VSX1: variants seen among roughly 807,000 people sequenced by gnomAD.
VSX1 encodes the protein visual system homeobox 1, also known as homeodomain protein RINX.
In VSX1, 23 loss-of-function variants were observed where a neutral mutation model predicts 23.6. The ratio of observed to expected loss-of-function variants is 0.97; its 90% CI spans 0.70 to 1.38. The LOEUF (loss-of-function observed/expected upper bound fraction) is 1.38. Among genes scored for constraint, VSX1 ranks in the 40% most tolerant of loss-of-function variants. The probability of loss-of-function intolerance (pLI) is 0.00; values close to 1 mark genes in which losing one functional copy is unlikely to be tolerated. For synonymous variants in VSX1, 247 were observed against 215.1 expected, an observed-to-expected ratio of 1.15 and a Z score of -1.30; for missense variants, 517 against 495.4, an observed-to-expected ratio of 1.04 and a Z score of -0.41.
At position 25,079,490 on chromosome 20, in the gene VSX1, C is replaced by T. The variant is rs2089593806; in HGVS notation, c.449G>A (p.Arg150Lys). Reference sequence around the variant, plus strand: ...GGTGGGGGATGCCTTTAGGTCATTCCTGTCTTCAGACTGGCTGTCCTCATC... The same window carrying T: ...GGTGGGGGATGCCTTTAGGTCATTCTTGTCTTCAGACTGGCTGTCCTCATC... Reference protein sequence around the residue: ...TSDEDSQSEDRNDLKASPTLG... With the variant: ...TSDEDSQSEDKNDLKASPTLG... The change falls in exon 2 of 5, where the codon AGG (arginine) becomes AAG (lysine). Residue 150 changes from arginine (R) to lysine (K), a missense_variant. Arg to Lys is a conservative substitution (Grantham distance 26). Coordinates refer to ENST00000376709, the MANE Select transcript of VSX1 (RefSeq NM_014588.6). 6.2e-7 allele frequency: 1 copy of T among 1,612,700 alleles called. No individual in the cohort carries two copies. Among genetic ancestry groups the T allele is most frequent in the Non-Finnish European group, 8.5e-7 (1 of 1,179,576 alleles).
At chr20:25,072,457 T>TC (rs1194495703), downstream of VSX1, 1 of 458,028 alleles carries the variant, frequency 2.2e-6, no homozygotes, top group African/African-American at 2.0e-5. Flanking sequence ...GGTCCATTTG[T>TC]CCCCCCAGGC....
In VSX1 at chr20:25,075,970, C is replaced by T. The variant is rs1001920528; in HGVS notation, c.*291G>A. ...CTCAAATGATGCCCAGCAGTGAAAT[C>T]ATTTTTGAACTTCGGATCCTCCCTG... On this transcript the variant is annotated 3_prime_UTR_variant, in exon 5 of 5. Transcript: ENST00000376709. 1 of 472,656 alleles carries T rather than the reference C, an allele frequency of 2.1e-6. No homozygotes were observed. The highest frequency in any genetic ancestry group is 3.9e-6 in the Non-Finnish European group (1 of 259,308). 29.3% of individuals were successfully genotyped at this position (472,656 alleles called of 1,614,324 possible).
At position 25,079,527 on chromosome 20, in the gene VSX1, AAAG is replaced by A. The variant is rs754283964; in HGVS notation, c.425-16_425-14del. 7.4e-5 allele frequency: 119 copies of A among 1,606,172 alleles called. 1 individual carries two copies. The South Asian group carries it at 1.3e-3, about 17-fold the overall frequency. On this transcript the variant is annotated splice_polypyrimidine_tract_variant and intron_variant, in intron 1 of 4. Coordinates refer to ENST00000376709, the MANE Select transcript of VSX1 (RefSeq NM_014588.6). ...TGGCTGTCCTCATCTGATGGCACAGAAAGAAGAAGAGGACTTTAAGGGTGATCA... is the reference window on the plus strand; with the variant it reads ...TGGCTGTCCTCATCTGATGGCACAGAAAGAAGAGGACTTTAAGGGTGATCA...
At chr20:25,072,108 G>A (rs956816994), downstream of VSX1, 8 of 592,686 alleles carry the variant, frequency 1.3e-5, no homozygotes, top group African/African-American at 1.5e-4. Flanking sequence ...GAGAGCGAGA[G>A]ACTGTGGCTT....
downstream of VSX1, chr20:25,071,795 G>A (rs2122830527): frequency 2.8e-6 from 2 of 705,484 alleles, no homozygotes; most frequent in Middle Eastern, 3.4e-4. Flanking sequence ...GGGGTGCCCT[G>A]CAGGGGGCAA....
chr20:25,081,365 T>A (rs7344824), intron 1 of VSX1: 166,609 of 654,992 alleles, frequency 0.25, 24,653 homozygotes, highest in African/African-American at 0.44. Context: ...GGGGGAAAAA[T>A]GGCCCTCTGG....
chr20:25,078,792 T>C, intron 3 of VSX1, 37 bp downstream of exon 3: 1 of 1,614,160 alleles, frequency 6.2e-7, no homozygotes, highest in Non-Finnish European at 8.5e-7. Flanking sequence ...ACGTTCTCTG[T>C]GGTATCTTTG....
chr20:25,072,620 C>T (rs1237649873), downstream of VSX1: 1 of 471,182 alleles, frequency 2.1e-6, no homozygotes, highest in Middle Eastern at 3.2e-4. Context: ...CACTTCATTT[C>T]TCTGCAGCCC....
chr20:25,079,001 G>A, intron 2 of VSX1, 49 bp from the exon 3 acceptor site: 1 of 1,609,738 alleles, frequency 6.2e-7, no homozygotes, highest in Non-Finnish European at 8.5e-7. Context: ...CCTGGGGACA[G>A]CAGCCTCCCT....
downstream of VSX1, chr20:25,072,532 T>C: frequency 2.1e-6 from 1 of 471,160 alleles, no homozygotes; most frequent in Non-Finnish European, 4.4e-6. Context: ...GACTCAGCCA[T>C]CACCTCGTTC....
downstream of VSX1, chr20:25,071,677 C>T (rs1229581217): frequency 3.2e-6 from 2 of 625,640 alleles, no homozygotes; most frequent in Non-Finnish European, 5.9e-6. Context: ...ACCTAGCTGT[C>T]ATGACTGCAG....
Position 25,077,665 on chromosome 20 carries a change from T to C in VSX1, c.808+20A>G. 6.5e-7 allele frequency: 1 copy of C among 1,543,710 alleles called. No homozygotes were observed. Among genetic ancestry groups the C allele is most frequent in the Non-Finnish European group, 8.7e-7 (1 of 1,146,702 alleles). ...TCCTACAACACCTCGAGCCGTGCGATCCCGGGGGCCCTTCCTTACCCAGGA... is the reference window on the plus strand; with the variant it reads ...TCCTACAACACCTCGAGCCGTGCGACCCCGGGGGCCCTTCCTTACCCAGGA... On this transcript the variant is annotated intron_variant, in intron 4 of 4. Coordinates refer to ENST00000376709, the MANE Select transcript of VSX1 (RefSeq NM_014588.6).
At chr20:25,081,155 G>A (rs1393772232) in intron 1 of VSX1, among the ~76,000 whole-genome samples, 2 of 152,218 alleles carry the variant, frequency 1.3e-5, no homozygotes, top group Admixed American at 6.5e-5. Flanking sequence ...CGCGGTACCC[G>A]GGACTCCCTT....
chr20:25,075,689 G>C lies in VSX1; in HGVS notation c.*572C>G, dbSNP rs993244630. On this transcript the variant is annotated 3_prime_UTR_variant, in exon 5 of 5. Transcript: ENST00000376709. ...AAATGCAGAAACGACTAGAGTATGG[G>C]TTTCTTTGAATTCCAATATGCATAG... 2.9e-4 allele frequency: 44 copies of C among 152,914 alleles called. No individual in the cohort carries two copies. Among genetic ancestry groups the C allele is most frequent in the African/African-American group, 1.0e-3 (42 of 41,402 alleles). The allele number at this position is 152,914 out of a possible 1,614,324, so 9.5% of individuals were successfully genotyped here. A position where few individuals can be genotyped will look rare whatever the true frequency, so the allele number is the denominator to read the frequency against.
rs770398747 is a variant in VSX1 at position 25,079,420 on chromosome 20, C to G, written c.503+16G>C. On this transcript the variant is annotated intron_variant, in intron 2 of 4. Coordinates refer to ENST00000376709, the MANE Select transcript of VSX1 (RefSeq NM_014588.6). ...CCCGAGGAAAGGCAGGCAGAGGGGA[C>G]TGCCTGGCCCTATACCTGTGCCGCC... The G allele has an allele frequency of 9.3e-6, 15 of 1,606,984 alleles. No homozygotes were observed. In the South Asian group the frequency reaches 1.7e-4, roughly 18 times the overall value.
At chr20:25,076,627 T>A in intron 4 of VSX1, 77 bp from the exon 5 acceptor site, 2 of 1,478,624 alleles carry the variant, frequency 1.4e-6, no homozygotes, top group East Asian at 4.9e-5. Flanking sequence ...TTCCTTCTTA[T>A]TGTTCTCTAA....
intron 4 of VSX1, among the ~76,000 whole-genome samples, chr20:25,076,837 C>T (rs972758502): frequency 6.6e-6 from 1 of 152,192 alleles, no homozygotes; most frequent in Non-Finnish European, 1.5e-5. Context: ...AAGTGCCCTC[C>T]CCCACCTGTT....
In VSX1 at chr20:25,076,446, C is replaced by T; in HGVS notation, c.913G>A (p.Glu305Lys). 1 of 1,614,196 alleles carries T rather than the reference C, an allele frequency of 6.2e-7. No individual in the cohort carries two copies. Among genetic ancestry groups the T allele is most frequent in the South Asian group, 1.1e-5 (1 of 91,084 alleles). ...DHFKEGSSQS[E>K]SGSQRGSDKV... is the part of the protein sequence containing the mutation. Reference sequence around the variant, plus strand: ...TCTGAGCCTCTCTGTGATCCTGACTCACTCTGGCTAGAACCTTCTTTGAAG... The same window carrying T: ...TCTGAGCCTCTCTGTGATCCTGACTTACTCTGGCTAGAACCTTCTTTGAAG... The change falls in exon 5 of 5, where the codon GAG becomes AAG. Residue 305 changes from glutamate (E) to lysine (K), a missense_variant. Physicochemically the swap from Glu to Lys is moderately conservative, Grantham distance 56 (BLOSUM62 1). Coordinates refer to ENST00000376709, the MANE Select transcript of VSX1 (RefSeq NM_014588.6).
At position 25,081,527 on chromosome 20, in the gene VSX1, C is replaced by T. The variant is rs2089641835; in HGVS notation, c.424+146G>A. 10 of 1,247,968 alleles carry T rather than the reference C, an allele frequency of 8.0e-6. No homozygotes were observed. The South Asian group carries it at 1.2e-4, about 15-fold the overall frequency. 77.3% of individuals were successfully genotyped at this position (1,247,968 alleles called of 1,614,324 possible). A position where few individuals can be genotyped will look rare whatever the true frequency, so the allele number is the denominator to read the frequency against. On this transcript the variant is annotated intron_variant, in intron 1 of 4. Coordinates refer to ENST00000376709, the MANE Select transcript of VSX1 (RefSeq NM_014588.6). ...CAGGCGGCGCAGCTCCGCGAATGCCCCTCCCGCGACGGGGCCTCGCTCTGG... is the reference window on the plus strand; with the variant it reads ...CAGGCGGCGCAGCTCCGCGAATGCCTCTCCCGCGACGGGGCCTCGCTCTGG...
Sources: gnomAD v4.1 joint callset for allele counts (sites outside exome capture counted in the v4.1 genomes callset) on GRCh38, gnomAD v4.1.1 for gene constraint, MANE v1.5 for transcripts, NCBI Gene and HGNC (gene_info 2026-07-23, HGNC 2026-07-21) for gene names.